XKR9: variants seen among roughly 807,000 people sequenced by gnomAD.
XKR9 encodes the protein XK related 9.
Under a neutral mutation model 32.0 loss-of-function variants are expected in XKR9, and 32 were observed. The observed-to-expected ratio is 1.00, with a 90% CI of 0.76 to 1.34. XKR9 has a LOEUF of 1.34. Ranked by LOEUF, XKR9 falls within the 40% of genes most tolerant of loss-of-function variation. The pLI, the probability that XKR9 is intolerant of heterozygous loss-of-function variation, is 0.00. For missense variants in XKR9, 546 were observed against 429.7 expected, an observed-to-expected ratio of 1.27 and a Z score of -2.39; for synonymous variants, 168 against 143.4, an observed-to-expected ratio of 1.17 and a Z score of -1.22.
the XKR9 span, among the ~76,000 whole-genome samples, chr8:70,997,426 C>T: frequency 6.6e-6 from 1 of 152,080 alleles, no homozygotes; most frequent in Non-Finnish European, 1.5e-5. Flanking sequence ...ATGTTTTTCC[C>T]TTGGTCATAA....
the XKR9 span, among the ~76,000 whole-genome samples, chr8:70,907,060 T>A: frequency 6.6e-6 from 1 of 152,182 alleles, no homozygotes; most frequent in Non-Finnish European, 1.5e-5. Context: ...CAACAACTGT[T>A]GTTATCTGTT....
the XKR9 span, among the ~76,000 whole-genome samples, chr8:70,940,036 A>G: frequency 6.6e-6 from 1 of 152,100 alleles, no homozygotes; most frequent in Admixed American, 6.6e-5. Flanking sequence ...ACTACATAAA[A>G]ATAAAACAAA....
At chr8:70,878,359 C>T in the XKR9 span, among the ~76,000 whole-genome samples, 5 of 151,890 alleles carry the variant, frequency 3.3e-5, no homozygotes, top group Non-Finnish European at 7.4e-5. Context: ...ACTCAGACTG[C>T]CAAATTGGAT....
At chr8:70,997,064 G>T in the XKR9 span, among the ~76,000 whole-genome samples, 1 of 152,218 alleles carries the variant, frequency 6.6e-6, no homozygotes, top group East Asian at 1.9e-4. Flanking sequence ...TTGGGAGGCT[G>T]AGCCGGGTGG....
the XKR9 span, among the ~76,000 whole-genome samples, chr8:70,820,256 T>G: frequency 6.6e-6 from 1 of 152,320 alleles, no homozygotes; most frequent in East Asian, 1.9e-4. Context: ...TTTATTAATA[T>G]TAGATTATAC....
chr8:70,881,423 GA>G, the XKR9 span, among the ~76,000 whole-genome samples: 1 of 151,672 alleles, frequency 6.6e-6, no homozygotes, highest in Non-Finnish European at 1.5e-5. Context: ...AAATTTACAA[GA>G]AAAAAACAAC....
chr8:70,672,828 T>G (rs1818759516), intron 1 of XKR9, among the ~76,000 whole-genome samples: 2 of 152,350 alleles, frequency 1.3e-5, no homozygotes, highest in Middle Eastern at 3.4e-3. Flanking sequence ...TGTTGAGCAT[T>G]TTTTCATATG....
At chr8:70,801,293 G>A in the XKR9 span, among the ~76,000 whole-genome samples, 1 of 151,988 alleles carries the variant, frequency 6.6e-6, no homozygotes, top group Non-Finnish European at 1.5e-5. Flanking sequence ...TTTGATGTGA[G>A]TTTTTAGGAC....
chr8:70,684,680 CGAA>C (rs1819200089), intron 3 of XKR9, among the ~76,000 whole-genome samples: 2 of 149,152 alleles, frequency 1.3e-5, no homozygotes, highest in African/African-American at 4.9e-5. Flanking sequence ...AAAAAGTGGG[CGAA>C]GGACATGAAC....
At chr8:70,880,003 A>T in the XKR9 span, among the ~76,000 whole-genome samples, 1 of 152,222 alleles carries the variant, frequency 6.6e-6, no homozygotes, top group African/African-American at 2.4e-5. Flanking sequence ...TCCATCACAT[A>T]AACAGAACCA....
chr8:70,771,295 C>A (rs1014016284), intron 2 of XKR9, among the ~76,000 whole-genome samples: 2 of 152,200 alleles, frequency 1.3e-5, no homozygotes, highest in Admixed American at 1.3e-4. Context: ...GTTGGAAATG[C>A]AGAAATCACC....
chr8:70,680,289 A>G (rs950619298), intron 2 of XKR9, among the ~76,000 whole-genome samples: 1 of 152,094 alleles, frequency 6.6e-6, no homozygotes, highest in Non-Finnish European at 1.5e-5. Flanking sequence ...TCATTTAGGT[A>G]GTTTTCAATA....
the XKR9 span, among the ~76,000 whole-genome samples, chr8:70,953,700 G>T: frequency 1.3e-5 from 2 of 152,286 alleles, no homozygotes; most frequent in African/African-American, 4.8e-5. Context: ...ATCCTGATGG[G>T]TAACTAGAGT....
chr8:70,984,292 G>T, the XKR9 span, among the ~76,000 whole-genome samples: 1 of 152,170 alleles, frequency 6.6e-6, no homozygotes, highest in Non-Finnish European at 1.5e-5. Context: ...GGGCCCAGGG[G>T]AATTTCCCTG....
chr8:71,019,946 T>A, the XKR9 span, among the ~76,000 whole-genome samples: 1 of 152,332 alleles, frequency 6.6e-6, no homozygotes, highest in African/African-American at 2.4e-5. Flanking sequence ...TTCTACTTAC[T>A]GTTATTTTGA....
the XKR9 span, among the ~76,000 whole-genome samples, chr8:70,866,009 C>T: frequency 1.3e-5 from 2 of 152,128 alleles, no homozygotes; most frequent in Admixed American, 1.3e-4. Flanking sequence ...CTGTAATATA[C>T]CTTGAGCTGG....
At chr8:70,870,845 T>C in the XKR9 span, among the ~76,000 whole-genome samples, 2 of 152,234 alleles carry the variant, frequency 1.3e-5, no homozygotes, top group African/African-American at 4.8e-5. Flanking sequence ...TGTGATTCTG[T>C]TACTCTTCTT....
the XKR9 span, among the ~76,000 whole-genome samples, chr8:70,814,250 C>G: frequency 1.3e-5 from 2 of 151,628 alleles, no homozygotes; most frequent in African/African-American, 4.9e-5. Context: ...AATGAGAACA[C>G]GTGGACACAG....
At chr8:70,810,082 A>G in the XKR9 span, among the ~76,000 whole-genome samples, 2 of 152,384 alleles carry the variant, frequency 1.3e-5, no homozygotes, top group South Asian at 2.1e-4. Context: ...TCAGACTAAC[A>G]GCTGATCTCT....
Sources: allele counts gnomAD v4.1 joint callset (sites outside exome capture counted in the v4.1 genomes callset), GRCh38; gene constraint gnomAD v4.1.1; transcripts MANE v1.5; gene names NCBI Gene and HGNC (gene_info 2026-07-23, HGNC 2026-07-21).